Variants in RBKS observed in about 807,000 individuals in gnomAD.
RBKS encodes the protein ribokinase.
In RBKS, 33 loss-of-function variants were observed where a neutral mutation model predicts 33.9. The ratio of observed to expected loss-of-function variants is 0.97; its 90% confidence interval spans 0.74 to 1.30. The LOEUF is 1.30. Among genes scored for constraint, RBKS ranks in the 50% most tolerant of loss-of-function variants. The probability of loss-of-function intolerance (pLI) is 0.00; values close to 1 mark genes in which losing one functional copy is unlikely to be tolerated. For missense variants in RBKS, 361 were observed against 392.6 expected, an observed-to-expected ratio of 0.92 and a Z score of 0.68; for synonymous variants, 125 against 143.0, an observed-to-expected ratio of 0.87 and a Z score of 0.90.
rs143773258 is a variant in RBKS, at chr2:27,843,122, G to A, written c.459C>T (p.Leu153=). The A allele has an allele frequency of 4.3e-6, 7 of 1,610,426 alleles. No individual in the cohort carries two copies. The highest frequency in any genetic ancestry group is 1.6e-4 in the Middle Eastern group (1 of 6,068). Residue 153 remains leucine (L), a synonymous_variant, in exon 5 of 8, where the codon CTC becomes CTT. Coordinates refer to ENST00000302188, the MANE Select transcript of RBKS (RefSeq NM_022128.3). The part of the protein sequence containing the change: ...ISRAKVMVCQ[L]EITPATSLEA... ...CCAAAGAAGTTGCTGGAGTTATTTC[G>A]AGCTGGCAGACCATGACTTTGGCTC...
At position 27,844,263 on chromosome 2, in the gene RBKS, GA is replaced by G. The variant is rs1348408045; in HGVS notation, c.350-1033del. On this transcript the variant is annotated intron_variant, in intron 4 of 7. Transcript: ENST00000302188. ...CAAGAGTGAGTGAGACTCTGTCTCA[GA>G]AAAAAAAAAAAAAAAAGAAATGTGG... Among the ~76,000 whole-genome samples, 84 of 84,104 alleles carry G rather than the reference GA, an allele frequency of 1.0e-3. 1 individual carries two copies. Among genetic ancestry groups the G allele is most frequent in the Middle Eastern group, 7.8e-3 (1 of 128 alleles). 55.2% of individuals were successfully genotyped at this position (84,104 alleles called of 152,430 possible). A position where few individuals can be genotyped will look rare whatever the true frequency, so the allele number is the denominator to read the frequency against.
chr2:27,865,712 C>G (rs181269826), intron 1 of RBKS, among the ~76,000 whole-genome samples: 1 of 151,574 alleles, frequency 6.6e-6, no homozygotes, highest in East Asian at 1.9e-4. Flanking sequence ...CCATGCCTGG[C>G]TGATTTTTTC....
At chr2:27,858,900 G>T (rs1429959204) in intron 1 of RBKS, among the ~76,000 whole-genome samples, 1 of 152,130 alleles carries the variant, frequency 6.6e-6, no homozygotes, top group Admixed American at 6.6e-5. Flanking sequence ...TTCACAGTGG[G>T]ATTTAATAAA....
Position 27,863,450 on chromosome 2 carries a change from G to C in RBKS, c.90-4879C>G, listed in dbSNP as rs575371943. 1.2e-4 allele frequency among the ~76,000 whole-genome samples: 18 copies of C among 152,316 alleles called. 1 individual carries two copies. The highest frequency in any genetic ancestry group is 1.0e-3 in the Admixed American group (16 of 15,308). On this transcript the variant is annotated intron_variant, in intron 1 of 7. Coordinates refer to ENST00000302188, the MANE Select transcript of RBKS (RefSeq NM_022128.3). ...AACTCCTTAAATGCCTGGGTTTTGT[G>C]CTCTGAGTTAATTCACTGACAGGTG... is the stretch of plus-strand genomic sequence containing the variant.
chr2:27,853,175 C>T (rs914832257), intron 2 of RBKS, among the ~76,000 whole-genome samples: 1 of 151,568 alleles, frequency 6.6e-6, no homozygotes, highest in African/African-American at 2.4e-5. Context: ...AGACCAGCCT[C>T]AGCAACACAG....
At chr2:27,820,585 T>C (rs1346845903) in intron 7 of RBKS, among the ~76,000 whole-genome samples, 2 of 151,694 alleles carry the variant, frequency 1.3e-5, no homozygotes, top group Non-Finnish European at 2.9e-5. Context: ...CTCTCTTTCT[T>C]TCTTTTTCTT....
intron 6 of RBKS, 54 bp from the exon 7 acceptor site, chr2:27,827,809 C>T: frequency 2.1e-6 from 3 of 1,412,676 alleles, no homozygotes; most frequent in Non-Finnish European, 2.8e-6. Flanking sequence ...AACCTGAATC[C>T]ACTTCCAGAT....
chr2:27,815,335 G>A (rs1678066884), intron 7 of RBKS, among the ~76,000 whole-genome samples: 1 of 152,122 alleles, frequency 6.6e-6, no homozygotes, highest in Non-Finnish European at 1.5e-5. Flanking sequence ...AGCCTCCGAA[G>A]TAGTGGGGAC....
At position 27,781,727 on chromosome 2, in the gene RBKS, G is replaced by C; in HGVS notation, c.857C>G (p.Ser286Cys). 6.2e-7 allele frequency: 1 copy of C among 1,614,054 alleles called. No homozygotes were observed. The highest frequency in any genetic ancestry group is 8.5e-7 in the Non-Finnish European group (1 of 1,179,960). Residue 286 changes from serine (S) to cysteine (C), a missense_variant, in exon 8 of 8, where the codon TCC becomes TGC. Transcript: ENST00000302188. The part of the protein sequence containing the change: ...AFYLAYYPNL[S>C]LEDMLNRSNF... ...GGATCTGTTGAGCATGTCTTCCAAG[G>C]ACAGATTTGGATAGTAAGCCAGGTA...
chr2:27,866,454 T>C (rs989134491), intron 1 of RBKS, among the ~76,000 whole-genome samples: 8 of 152,188 alleles, frequency 5.3e-5, no homozygotes, highest in African/African-American at 1.7e-4. Context: ...GCATCAAGTT[T>C]AAAAAATTTC....
At chr2:27,876,305 GGAA>G (rs1276420429) in intron 1 of RBKS, among the ~76,000 whole-genome samples, 1 of 152,054 alleles carries the variant, frequency 6.6e-6, no homozygotes, top group African/African-American at 2.4e-5. Context: ...AGCCTTAAAA[GGAA>G]GAAAATTCTG....
Position 27,810,165 on chromosome 2 carries a change from C to T in RBKS, c.795+17402G>A. On this transcript the variant is annotated intron_variant, in intron 7 of 7. Transcript: ENST00000302188. The surrounding 1 kb of genome is among the most constrained non-coding windows in gnomAD (Gnocchi z 4.4). ...TGGCTGGTGCACCTGGTATATTTGTCTACACAACCCAAATTCGTCATATAC... is the reference window on the plus strand; with the variant it reads ...TGGCTGGTGCACCTGGTATATTTGTTTACACAACCCAAATTCGTCATATAC... The T allele has an allele frequency of 2.5e-6, 3 of 1,215,014 alleles. No homozygotes were observed. The highest frequency in any genetic ancestry group is 3.2e-6 in the Non-Finnish European group (3 of 936,414). 75.3% of individuals were successfully genotyped at this position (1,215,014 alleles called of 1,614,324 possible).
Position 27,843,099 on chromosome 2 carries a change from AAAG to A in RBKS, c.479_481del (p.Ser160del). 6.2e-7 allele frequency: 1 copy of A among 1,607,910 alleles called. No individual in the cohort carries two copies. The highest frequency in any genetic ancestry group is 8.5e-7 in the Non-Finnish European group (1 of 1,176,818). On this transcript the variant is annotated inframe_deletion, in exon 5 of 8. Coordinates refer to ENST00000302188, the MANE Select transcript of RBKS (RefSeq NM_022128.3). ...CCTGCGGGCCATTGTTAGGGCTTCC[AAAG>A]AAGTTGCTGGAGTTATTTCGAGCTG...
intron 1 of RBKS, among the ~76,000 whole-genome samples, chr2:27,883,762 T>C (rs1363989944): frequency 6.6e-6 from 1 of 151,198 alleles, no homozygotes; most frequent in East Asian, 2.0e-4. Context: ...CTCATCACCC[T>C]GTTACCTAGG....
At chr2:27,841,442 G>C (rs904054853) in intron 5 of RBKS, among the ~76,000 whole-genome samples, 4 of 152,118 alleles carry the variant, frequency 2.6e-5, no homozygotes, top group African/African-American at 7.2e-5. Flanking sequence ...TGCTGAGATG[G>C]GCACGGTGCA....
intron 7 of RBKS, among the ~76,000 whole-genome samples, chr2:27,801,128 T>C (rs1677770503): frequency 6.6e-6 from 1 of 152,164 alleles, no homozygotes; most frequent in Non-Finnish European, 1.5e-5. Flanking sequence ...AGAGGAGATG[T>C]AGCAGAGGCT....
chr2:27,847,777 C>T (rs1044357774), intron 3 of RBKS, among the ~76,000 whole-genome samples: 1 of 152,208 alleles, frequency 6.6e-6, no homozygotes, highest in Non-Finnish European at 1.5e-5. Flanking sequence ...GAATGCAGCA[C>T]CTTTTTCTCC....
In RBKS at chr2:27,781,625, G is replaced by T. The variant is rs754707179; in HGVS notation, c.959C>A (p.Thr320Asn). ...SYPYKKDLPL[T>N]LF is the part of the protein sequence containing the mutation. ...TGGGACTAATAGCAATCAAAACAGA[G>T]TAAGCGGAAGGTCTTTTTTGTAAGG... The change falls in exon 8 of 8, where the codon ACT becomes AAT. Residue 320 changes from threonine (T) to asparagine (N), a missense_variant. Thr to Asn is a moderately conservative substitution (Grantham distance 65). Coordinates refer to ENST00000302188, the MANE Select transcript of RBKS (RefSeq NM_022128.3). The T allele has an allele frequency of 3.1e-6, 5 of 1,610,536 alleles. No homozygotes were observed. The highest frequency in any genetic ancestry group is 1.7e-4 in the Middle Eastern group (1 of 6,044).
At position 27,858,433 on chromosome 2, in the gene RBKS, AC is replaced by A; in HGVS notation, c.222+5del. ...TAGAGTCCTCTCCACTATACTTTGT[AC>A]TTACCTTACACACCATGGACGTCAT... On this transcript the variant is annotated splice_donor_5th_base_variant and intron_variant, in intron 2 of 7. Coordinates refer to ENST00000302188, the MANE Select transcript of RBKS (RefSeq NM_022128.3). 6.2e-7 allele frequency: 1 copy of A among 1,609,466 alleles called. No individual in the cohort carries two copies.
Sources: gnomAD v4.1 joint callset for allele counts (sites outside exome capture counted in the v4.1 genomes callset) on GRCh38, gnomAD v4.1.1 for gene constraint, Gnocchi (gnomAD v3.1) non-coding constraint, MANE v1.5 for transcripts, NCBI Gene and HGNC (gene_info 2026-07-23, HGNC 2026-07-21) for gene names.